The following OCA2 variants were observed in gnomAD, a reference collection of about 807,000 sequenced individuals.
The protein encoded by OCA2 is OCA2 melanosomal transmembrane protein.
In OCA2, 77 loss-of-function variants were observed where a neutral mutation model predicts 100.2. The ratio of observed to expected loss-of-function variants is 0.77; its 90% CI spans 0.64 to 0.93. OCA2 has a LOEUF of 0.93. OCA2 is among the 40% of genes least tolerant of loss of function. The pLI is 0.00. For missense variants in OCA2, 1,062 were observed against 1,089.1 expected, an observed-to-expected ratio of 0.98 and a Z score of 0.35; for synonymous variants, 432 against 439.2, an observed-to-expected ratio of 0.98 and a Z score of 0.21.
intron 18 of OCA2, among the ~76,000 whole-genome samples, chr15:27,941,981 G>A (rs1197403823): frequency 6.6e-6 from 1 of 152,104 alleles, no homozygotes; most frequent in Admixed American, 6.5e-5. Flanking sequence ...CTGGTATGAT[G>A]AGCATAATCA....
At chr15:27,953,883 A>C (rs2040122416) in intron 17 of OCA2, among the ~76,000 whole-genome samples, 1 of 151,854 alleles carries the variant, frequency 6.6e-6, no homozygotes, top group Admixed American at 6.6e-5. Context: ...ACAGTACCCA[A>C]TGTGTAGTCT....
At position 27,957,892 on chromosome 15, in the gene OCA2, T is replaced by C. The variant is rs1289855301; in HGVS notation, c.1637-157A>G. Among the ~76,000 whole-genome samples the C allele has an allele frequency of 6.6e-6, 1 of 152,148 alleles. No individual in the cohort carries two copies. Among genetic ancestry groups the C allele is most frequent in the Non-Finnish European group, 1.5e-5 (1 of 68,030 alleles). ...ACCCAGAGCTTCTCAGCACCTGAGC[T>C]ATTGCAATGGAGCCCAGACGACAAA... On this transcript the variant is annotated intron_variant, in intron 15 of 23. Coordinates refer to ENST00000354638, the MANE Select transcript of OCA2 (RefSeq NM_000275.3). This position sits in a 1 kb window ranked among gnomAD's most constrained non-coding sequence, Gnocchi z 4.3.
At chr15:27,827,948 T>C (rs1022683574) in intron 23 of OCA2, among the ~76,000 whole-genome samples, 1 of 152,218 alleles carries the variant, frequency 6.6e-6, no homozygotes, top group African/African-American at 2.4e-5. Flanking sequence ...AGACGATCTA[T>C]AGCACAAGGC....
intron 9 of OCA2, among the ~76,000 whole-genome samples, chr15:28,009,502 A>T (rs2042178887): frequency 6.6e-6 from 1 of 152,160 alleles, no homozygotes; most frequent in Admixed American, 6.5e-5. Flanking sequence ...AGCCTGGCCA[A>T]CATGGCAAAA....
At chr15:27,937,681 C>CTAAT (rs2039506030) in intron 18 of OCA2, among the ~76,000 whole-genome samples, 1 of 152,226 alleles carries the variant, frequency 6.6e-6, no homozygotes, top group Non-Finnish European at 1.5e-5. Context: ...CATATGCTTA[C>CTAAT]TAATACTTTC....
At chr15:27,786,271 A>G (rs1346055024) in intron 23 of OCA2, among the ~76,000 whole-genome samples, 3 of 152,170 alleles carry the variant, frequency 2.0e-5, no homozygotes, top group African/African-American at 7.2e-5. Flanking sequence ...TGTCCTTTGA[A>G]TATCCACTTA....
chr15:27,886,491 T>A (rs75117509), intron 19 of OCA2, among the ~76,000 whole-genome samples: 2,368 of 152,272 alleles, frequency 0.016, 55 homozygotes, highest in African/African-American at 0.05. Flanking sequence ...TGATTTAGTA[T>A]ATTTTTAAGC....
At chr15:27,787,169 T>C (rs923973907) in intron 23 of OCA2, among the ~76,000 whole-genome samples, 1 of 152,142 alleles carries the variant, frequency 6.6e-6, no homozygotes, top group Middle Eastern at 3.2e-3. Flanking sequence ...CTTTCATATA[T>C]TGCTGGACTT....
intron 2 of OCA2, among the ~76,000 whole-genome samples, chr15:28,046,939 C>T (rs953075377): frequency 2.0e-5 from 3 of 152,188 alleles, no homozygotes; most frequent in African/African-American, 4.8e-5. Context: ...TCTTGTCATC[C>T]TCTTTGAAAA....
intron 2 of OCA2, among the ~76,000 whole-genome samples, chr15:28,054,281 T>G (rs943792109): frequency 6.6e-6 from 1 of 152,216 alleles, no homozygotes; most frequent in East Asian, 1.9e-4. Flanking sequence ...CATGTGTGCA[T>G]GCATGTACAC....
At chr15:27,987,089 T>C (rs2041380624) in intron 11 of OCA2, among the ~76,000 whole-genome samples, 1 of 152,196 alleles carries the variant, frequency 6.6e-6, no homozygotes, top group Non-Finnish European at 1.5e-5. Context: ...GATGCTAAAA[T>C]TGGGTTCAAT....
chr15:27,767,510 G>C (rs7168038), intron 23 of OCA2, among the ~76,000 whole-genome samples: 56,485 of 150,322 alleles, frequency 0.38, 13,379 homozygotes, highest in East Asian at 0.72. Context: ...AGTCAGCACT[G>C]GGTGTCTAGC....
intron 23 of OCA2, among the ~76,000 whole-genome samples, chr15:27,834,189 C>T (rs1279243954): frequency 1.3e-5 from 2 of 152,156 alleles, no homozygotes; most frequent in African/African-American, 4.8e-5. Flanking sequence ...GGAGATTGAG[C>T]CAATCACAAA....
chr15:27,818,131 T>G (rs947617546), intron 23 of OCA2, among the ~76,000 whole-genome samples: 1 of 152,206 alleles, frequency 6.6e-6, no homozygotes, highest in Non-Finnish European at 1.5e-5. Context: ...GGCTCACACC[T>G]GTAATCCCAG....
intron 21 of OCA2, among the ~76,000 whole-genome samples, chr15:27,861,661 C>T (rs1292259871): frequency 2.0e-5 from 3 of 151,974 alleles, no homozygotes; most frequent in Non-Finnish European, 2.9e-5. Context: ...CTCTCGAGGG[C>T]GGGCACTAGT....
intron 5 of OCA2, 75 bp from the exon 6 acceptor site, chr15:28,022,648 T>C (rs1468803329): frequency 6.3e-6 from 7 of 1,110,872 alleles, no homozygotes; most frequent in Non-Finnish European, 9.6e-6. Context: ...TTGATAACAG[T>C]CGAAAACAGA....
Position 27,866,424 on chromosome 15 carries a change from G to T in OCA2, c.2244+4730C>A, listed in dbSNP as rs541102516. ...ACATGCAGCAAGCATGGGGTGTCCA[G>T]CTCCCTCAGTAACAGAGTAGCAGAG... is the stretch of plus-strand genomic sequence containing the variant. On this transcript the variant is annotated intron_variant, in intron 21 of 23. Transcript: ENST00000354638. Among the ~76,000 whole-genome samples the T allele has an allele frequency of 5.9e-5, 9 of 152,336 alleles. 1 individual carries two copies. The South Asian group carries it at 1.7e-3, about 28-fold the overall frequency.
intron 23 of OCA2, among the ~76,000 whole-genome samples, chr15:27,784,885 GAGAGAGAC>G (rs1339846702): frequency 1.7e-5 from 1 of 60,442 alleles, no homozygotes; most frequent in East Asian, 2.9e-4. Flanking sequence ...GAAGCAGAAA[GAGAGAGAC>G]AGAGAGAGAG....
At chr15:27,756,911 C>T (rs2030420879) in intron 23 of OCA2, among the ~76,000 whole-genome samples, 1 of 152,344 alleles carries the variant, frequency 6.6e-6, no homozygotes, top group African/African-American at 2.4e-5. Flanking sequence ...CCACTGATGT[C>T]TTGAGGATGG....
Sources: gnomAD v4.1 joint callset for allele counts (sites outside exome capture counted in the v4.1 genomes callset) on GRCh38, gnomAD v4.1.1 for gene constraint, Gnocchi (gnomAD v3.1) non-coding constraint, MANE v1.5 for transcripts, NCBI Gene and HGNC (gene_info 2026-07-23, HGNC 2026-07-21) for gene names.